The following XPO6 variants were observed in gnomAD, a reference collection of about 807,000 sequenced individuals.
XPO6 encodes the protein exportin 6.
In XPO6, 3 loss-of-function variants were observed where a neutral mutation model predicts 130.0. The observed-to-expected ratio is 0.02, with a 90% confidence interval of 0.01 to 0.06. The LOEUF (loss-of-function observed/expected upper bound fraction) is 0.06. XPO6 is among the 10% of genes least tolerant of loss of function. The pLI, the probability that XPO6 is intolerant of heterozygous loss-of-function variation, is 1.00. For synonymous variants in XPO6, 524 were observed against 548.9 expected, an observed-to-expected ratio of 0.95 and a Z score of 0.63; for missense variants, 970 against 1,393.0, an observed-to-expected ratio of 0.70 and a Z score of 4.83.
At chr16:28,125,916 G>C (rs42293) in intron 12 of XPO6, 68 bp from the exon 13 acceptor site, 41,322 of 1,543,634 alleles carry the variant, frequency 0.027, 3,471 homozygotes, top group East Asian at 0.19. Flanking sequence ...GATAACAGCT[G>C]GTCCAGCAAG....
intron 3 of XPO6, 105 bp downstream of exon 3, chr16:28,177,115 G>A: frequency 3.1e-6 from 2 of 642,726 alleles, no homozygotes; most frequent in Non-Finnish European, 5.0e-6. Context: ...TCCCAGAGCT[G>A]AGCTACCCTC....
intron 4 of XPO6, 31 bp downstream of exon 4, chr16:28,175,867 C>T: frequency 6.3e-7 from 1 of 1,593,542 alleles, no homozygotes; most frequent in Non-Finnish European, 8.6e-7. Flanking sequence ...AAACTATTCA[C>T]AAGATAAAGT....
intron 21 of XPO6, among the ~76,000 whole-genome samples, chr16:28,103,361 C>G (rs570717480): frequency 3.4e-4 from 52 of 152,358 alleles, no homozygotes; most frequent in African/African-American, 1.2e-3. Flanking sequence ...CCCTTAGAGG[C>G]ATGCACGAGC....
In XPO6 at chr16:28,098,127, A is replaced by G. The variant is rs2086574331; in HGVS notation, c.*411T>C. The G allele has an allele frequency of 1.2e-5, 2 of 165,584 alleles. No homozygotes were observed. Among genetic ancestry groups the G allele is most frequent in the Admixed American group, 6.4e-5 (1 of 15,686 alleles). 10.3% of individuals were successfully genotyped at this position (165,584 alleles called of 1,614,324 possible). ...GATCTCAAGGCAATTGGGGCGGGGG[A>G]GGCTTGACAGAAGTGCCAGAGCAGT... On this transcript the variant is annotated 3_prime_UTR_variant, in exon 24 of 24. Coordinates refer to ENST00000304658, the MANE Select transcript of XPO6 (RefSeq NM_015171.4).
In XPO6 at chr16:28,169,922, A is replaced by C. The variant is rs931805762; in HGVS notation, c.406-13T>G. ...GGGACTGGATCAACTGCCAGGAAAA[A>C]GCATGTTCTGAGCAGAGTGTTGGAC... is the stretch of plus-strand genomic sequence containing the variant. On this transcript the variant is annotated splice_polypyrimidine_tract_variant and intron_variant, in intron 4 of 23. Coordinates refer to ENST00000304658, the MANE Select transcript of XPO6 (RefSeq NM_015171.4). 1.2e-6 allele frequency: 2 copies of C among 1,613,764 alleles called. No individual in the cohort carries two copies. Among genetic ancestry groups the C allele is most frequent in the East Asian group, 2.2e-5 (1 of 44,892 alleles).
chr16:28,177,395 G>T, intron 2 of XPO6, 63 bp from the exon 3 acceptor site: 2 of 927,320 alleles, frequency 2.2e-6, no homozygotes, highest in Non-Finnish European at 3.4e-6. Context: ...ACAAGACTGG[G>T]CTATCTTATT....
At chr16:28,163,509 A>C (rs28396466) in intron 6 of XPO6, among the ~76,000 whole-genome samples, 1 of 152,234 alleles carries the variant, frequency 6.6e-6, no homozygotes, top group Non-Finnish European at 1.5e-5. Flanking sequence ...TTTTTCCCCA[A>C]TGGTCCAGGC....
chr16:28,186,779 CT>C (rs1311648574), intron 1 of XPO6, among the ~76,000 whole-genome samples: 1 of 151,882 alleles, frequency 6.6e-6, no homozygotes, highest in African/African-American at 2.4e-5. Flanking sequence ...TCAGGCGATC[CT>C]CCCCACTTCA....
At position 28,107,605 on chromosome 16, in the gene XPO6, T is replaced by G; in HGVS notation, c.2414A>C (p.Lys805Thr). The G allele has an allele frequency of 6.2e-7, 1 of 1,613,962 alleles. No individual in the cohort carries two copies. The highest frequency in any genetic ancestry group is 8.5e-7 in the Non-Finnish European group (1 of 1,179,960). ...IVENISGEST[K>T]SRQICYQSLQ... ...CGACTGGTAGCAAATCTGTCGAGAC[T>G]TGGTGGACTCCCCCGAGATATTCTC... The change falls in exon 18 of 24, where the codon AAG (lysine) becomes ACG (threonine). Residue 805 changes from lysine (K) to threonine (T), a missense_variant. Physicochemically the swap from Lys to Thr is moderately conservative, Grantham distance 78. Transcript: ENST00000304658.
At chr16:28,162,023 C>A (rs940284605) in intron 6 of XPO6, among the ~76,000 whole-genome samples, 1 of 152,086 alleles carries the variant, frequency 6.6e-6, no homozygotes, top group Admixed American at 6.5e-5. Context: ...CATGTGTATA[C>A]CATGACTACA....
At chr16:28,153,355 T>C (rs2043128009) in intron 7 of XPO6, 8 of 985,746 alleles carry the variant, frequency 8.1e-6, no homozygotes, top group South Asian at 4.7e-5. Context: ...GGAAGGCTAT[T>C]AGAACTGGGC....
chr16:28,186,374 C>CTTTTTTTATTTTTTTT (rs2043693916), intron 1 of XPO6, among the ~76,000 whole-genome samples: 1 of 81,442 alleles, frequency 1.2e-5, no homozygotes, highest in Non-Finnish European at 2.1e-5. Context: ...CCCAGTTATT[C>CTTTTTTTATTTTTTTT]TTTTTTTTTT....
At position 28,171,767 on chromosome 16, in the gene XPO6, A is replaced by T. The variant is rs563425086; in HGVS notation, c.406-1858T>A. Among the ~76,000 whole-genome samples the T allele has an allele frequency of 2.6e-5, 4 of 152,350 alleles. No individual in the cohort carries two copies. In the South Asian group the frequency reaches 8.3e-4, roughly 32 times the overall value. ...ATTTCTAACACTGACTTAAATTCAGATCATGCAGTGTAGGGAGGACAGGAA... is the reference window on the plus strand; with the variant it reads ...ATTTCTAACACTGACTTAAATTCAGTTCATGCAGTGTAGGGAGGACAGGAA... On this transcript the variant is annotated intron_variant, in intron 4 of 23. Coordinates refer to ENST00000304658, the MANE Select transcript of XPO6 (RefSeq NM_015171.4).
chr16:28,149,068 A>AC (rs2043038366), intron 8 of XPO6, among the ~76,000 whole-genome samples: 2 of 150,608 alleles, frequency 1.3e-5, no homozygotes, highest in South Asian at 4.3e-4. Flanking sequence ...TAAAAAAAAA[A>AC]AAAAACAAAA....
chr16:28,114,340 A>T lies in XPO6; in HGVS notation c.2005-1290T>A, dbSNP rs60110859. Among the ~76,000 whole-genome samples, 17 of 152,344 alleles carry T rather than the reference A, an allele frequency of 1.1e-4. No individual in the cohort carries two copies. In the East Asian group the frequency reaches 3.3e-3, roughly 29 times the overall value. ...AAACTTAGTTATTACTTATTACATA[A>T]AAAGAGAAAAAAGTCTGGAAGGATA... On this transcript the variant is annotated intron_variant, in intron 15 of 23. Transcript: ENST00000304658.
At chr16:28,111,743 C>A in intron 17 of XPO6, 74 bp downstream of exon 17, 2 of 1,548,046 alleles carry the variant, frequency 1.3e-6, no homozygotes, top group Non-Finnish European at 1.8e-6. Context: ...GCCTCCGGGG[C>A]AAATCTCATC....
intron 1 of XPO6, among the ~76,000 whole-genome samples, chr16:28,181,518 G>GT (rs35525888): frequency 0.57 from 83,251 of 146,280 alleles, 25,494 homozygotes; most frequent in South Asian, 0.72. Context: ...AGGGAGAGTG[G>GT]TTTTTTTTTT....
chr16:28,155,943 T>C (rs1422379515), intron 7 of XPO6, 131 bp downstream of exon 7: 11 of 1,442,752 alleles, frequency 7.6e-6, no homozygotes, highest in Admixed American at 2.9e-5. Context: ...GGCACACACC[T>C]ACCTTTCTGT....
At chr16:28,152,930 C>T in intron 7 of XPO6, 145 bp from the exon 8 acceptor site, 1 of 1,371,034 alleles carries the variant, frequency 7.3e-7, no homozygotes, top group Non-Finnish European at 9.4e-7. Flanking sequence ...CAACAATTAC[C>T]TACAGGACAG....
Sources: gnomAD v4.1 joint callset for allele counts (sites outside exome capture counted in the v4.1 genomes callset) on GRCh38, gnomAD v4.1.1 for gene constraint, MANE v1.5 for transcripts, NCBI Gene and HGNC (gene_info 2026-07-23, HGNC 2026-07-21) for gene names.